MEMO1: variants seen among roughly 807,000 people sequenced by gnomAD.
MEMO1 encodes the protein protein MEMO1.
A neutral mutation model predicts 45.2 loss-of-function variants in MEMO1; 6 were observed. The observed-to-expected ratio is 0.13, with a 90% CI of 0.07 to 0.26. MEMO1 has a LOEUF of 0.26. Among genes scored for constraint, MEMO1 ranks in the 10% least tolerant of loss-of-function variants. The probability of loss-of-function intolerance (pLI) is 1.00; values close to 1 mark genes in which losing one functional copy is unlikely to be tolerated. For synonymous variants in MEMO1, 78 were observed against 124.3 expected (o/e 0.63, Z 2.48); for missense variants, 184 against 370.5 (o/e 0.50, Z 4.13).
intron 2 of MEMO1, among the ~76,000 whole-genome samples, chr2:31,949,204 G>C (rs923332933): frequency 6.6e-6 from 1 of 152,118 alleles, no homozygotes; most frequent in African/African-American, 2.4e-5. Flanking sequence ...CAGTTTGGAG[G>C]CTCCTCAAAA....
At chr2:31,988,133 T>A (rs1671495911) in intron 2 of MEMO1, among the ~76,000 whole-genome samples, 1 of 152,162 alleles carries the variant, frequency 6.6e-6, no homozygotes, top group Non-Finnish European at 1.5e-5. Context: ...AGTAAGGATT[T>A]CTACATACCA....
At chr2:31,932,800 C>T (rs906051227) in intron 3 of MEMO1, among the ~76,000 whole-genome samples, 1 of 152,046 alleles carries the variant, frequency 6.6e-6, no homozygotes. Flanking sequence ...AAATGATAAA[C>T]CAACAGGAAG....
chr2:31,988,705 C>A (rs1033279405), intron 2 of MEMO1, among the ~76,000 whole-genome samples: 1 of 152,188 alleles, frequency 6.6e-6, no homozygotes, highest in African/African-American at 2.4e-5. Flanking sequence ...CTTGATATAG[C>A]TGCAAATATT....
chr2:31,963,718 T>G (rs779506822), intron 2 of MEMO1, among the ~76,000 whole-genome samples: 9 of 152,138 alleles, frequency 5.9e-5, no homozygotes, highest in Non-Finnish European at 1.0e-4. Flanking sequence ...TGGCTGCCAA[T>G]AGCACCACAC....
chr2:31,923,608 A>G (rs1558506411), intron 4 of MEMO1: 3 of 1,526,198 alleles, frequency 2.0e-6, no homozygotes, highest in South Asian at 1.3e-5. Context: ...ATGTTTAGGT[A>G]GCCTGACTAG....
intron 4 of MEMO1, chr2:31,923,619 G>C (rs780470786): frequency 1.3e-6 from 2 of 1,540,574 alleles, no homozygotes; most frequent in South Asian, 2.4e-5. Flanking sequence ...GCCTGACTAG[G>C]GCCAGGTAGT....
At chr2:31,888,702 T>C (rs1319661571) in intron 7 of MEMO1, among the ~76,000 whole-genome samples, 1 of 152,088 alleles carries the variant, frequency 6.6e-6, no homozygotes, top group African/African-American at 2.4e-5. Context: ...GGTGAAACTA[T>C]TTTAAGTGTT....
intron 6 of MEMO1, among the ~76,000 whole-genome samples, chr2:31,901,170 C>T (rs747391045): frequency 3.3e-5 from 5 of 151,714 alleles, no homozygotes; most frequent in African/African-American, 1.2e-4. Flanking sequence ...CTCAGGAGTT[C>T]GAGACCAACC....
At chr2:32,002,314 TAC>T (rs982867370) in intron 2 of MEMO1, among the ~76,000 whole-genome samples, 23 of 148,344 alleles carry the variant, frequency 1.6e-4, no homozygotes, top group Non-Finnish European at 2.8e-4. Context: ...CATATATACA[TAC>T]ACATATATAC....
At chr2:31,977,477 A>C (rs950212685) in intron 2 of MEMO1, among the ~76,000 whole-genome samples, 2 of 152,066 alleles carry the variant, frequency 1.3e-5, no homozygotes, top group Non-Finnish European at 2.9e-5. Flanking sequence ...AATTTTCTTA[A>C]AATTATCTTG....
At chr2:31,996,505 C>G (rs931499663) in intron 2 of MEMO1, among the ~76,000 whole-genome samples, 22 of 151,894 alleles carry the variant, frequency 1.4e-4, no homozygotes, top group Admixed American at 1.4e-3. Context: ...GATCGTGCCA[C>G]TGCACTCCAG....
intron 7 of MEMO1, among the ~76,000 whole-genome samples, chr2:31,890,128 G>A (rs1480027821): frequency 6.6e-6 from 1 of 152,104 alleles, no homozygotes; most frequent in African/African-American, 2.4e-5. Flanking sequence ...CTTTATTAAT[G>A]AGGTAAAAAG....
Position 31,987,796 on chromosome 2 carries a change from A to G in MEMO1, c.61+22391T>C, listed in dbSNP as rs181789989. ...AAAGCTGTAGTTTTCTAACTGCTAT[A>G]TATTAAAACCACCTTAGTGTATGGT... On this transcript the variant is annotated intron_variant, in intron 2 of 9. Coordinates refer to ENST00000404530, the MANE Select transcript of MEMO1 (RefSeq NM_001301833.4). Among the ~76,000 whole-genome samples, 119 of 152,178 alleles carry G rather than the reference A, an allele frequency of 7.8e-4. 1 individual carries two copies. The highest frequency in any genetic ancestry group is 2.6e-3 in the African/African-American group (109 of 41,556).
chr2:31,879,112 CCTTT>C (rs975022657), intron 8 of MEMO1, among the ~76,000 whole-genome samples: 2 of 152,152 alleles, frequency 1.3e-5, no homozygotes, highest in African/African-American at 4.8e-5. Flanking sequence ...AAACATTGCT[CCTTT>C]CTGTCATACT....
intron 3 of MEMO1, 48 bp from the exon 4 acceptor site, chr2:31,932,183 G>C (rs1348813350): frequency 6.6e-7 from 1 of 1,526,204 alleles, no homozygotes; most frequent in South Asian, 1.1e-5. Flanking sequence ...TCAAAATCAA[G>C]ATATTCTAGA....
intron 2 of MEMO1, among the ~76,000 whole-genome samples, chr2:31,954,229 T>C (rs1414655359): frequency 6.6e-6 from 1 of 152,218 alleles, no homozygotes; most frequent in Non-Finnish European, 1.5e-5. Context: ...TGAAAATGTT[T>C]ACACGCTCCT....
At chr2:31,939,113 A>C (rs1331139128) in intron 3 of MEMO1, among the ~76,000 whole-genome samples, 1 of 151,580 alleles carries the variant, frequency 6.6e-6, no homozygotes, top group East Asian at 1.9e-4. Context: ...CTACCTCAAA[A>C]AAAAAAAAAA....
chr2:31,951,441 T>C (rs1357816342), intron 2 of MEMO1, among the ~76,000 whole-genome samples: 1 of 151,920 alleles, frequency 6.6e-6, no homozygotes, highest in Non-Finnish European at 1.5e-5. Context: ...AAAATCAGCA[T>C]TTGGGAACCA....
intron 3 of MEMO1, among the ~76,000 whole-genome samples, chr2:31,935,788 AAAC>A (rs1392683089): frequency 4.6e-5 from 7 of 152,128 alleles, no homozygotes; most frequent in Non-Finnish European, 7.3e-5. Flanking sequence ...ATGTATGTGG[AAAC>A]AACGTTTTAT....
Sources: allele counts gnomAD v4.1 joint callset (sites outside exome capture counted in the v4.1 genomes callset), GRCh38; gene constraint gnomAD v4.1.1; transcripts MANE v1.5; gene names NCBI Gene and HGNC (gene_info 2026-07-23, HGNC 2026-07-21).